The following RIMS2 variants were observed in gnomAD, a reference collection of about 807,000 sequenced individuals.
RIMS2 encodes regulating synaptic membrane exocytosis 2, also known as regulating synaptic membrane exocytosis protein 2.
In RIMS2, 59 loss-of-function variants were observed where a neutral mutation model predicts 174.4. That is an observed-to-expected ratio of 0.34 (90% CI 0.27 to 0.42). The LOEUF is 0.42. Ranked by LOEUF, RIMS2 falls within the 10% of genes least tolerant of loss-of-function variation. The probability of loss-of-function intolerance (pLI) is 1.00; values close to 1 mark genes in which losing one functional copy is unlikely to be tolerated. For missense variants in RIMS2, 1,620 were observed against 1,666.3 expected (o/e 0.97, Z 0.48); for synonymous variants, 606 against 572.5 (o/e 1.06, Z -0.84).
chr8:104,071,881 A>G (rs2154561715), intron 19 of RIMS2, among the ~76,000 whole-genome samples: 1 of 152,368 alleles, frequency 6.6e-6, no homozygotes. Flanking sequence ...ACTAGAAGCC[A>G]GAGGTGAATG....
At chr8:103,984,152 C>T (rs1001329842) in intron 16 of RIMS2, among the ~76,000 whole-genome samples, 32 of 150,590 alleles carry the variant, frequency 2.1e-4, no homozygotes, top group Admixed American at 1.3e-3. Context: ...CCAGCCTGGG[C>T]GACAGAGCGA....
In RIMS2 at chr8:103,622,907, T is replaced by A. The variant is rs561521577; in HGVS notation, c.177-74179T>A. Among the ~76,000 whole-genome samples the A allele has an allele frequency of 1.6e-4, 25 of 152,322 alleles. 2 individuals are homozygous for A. The South Asian group carries it at 5.0e-3, about 30-fold the overall frequency. On this transcript the variant is annotated intron_variant, in intron 1 of 23. Coordinates refer to ENST00000504942, the Ensembl canonical transcript of RIMS2. Reference sequence around the variant, plus strand: ...GTAGCAGCAATAAATCATGCTGGCATAGCACAGATTATTTATTCTGAACAG... The same window carrying A: ...GTAGCAGCAATAAATCATGCTGGCAAAGCACAGATTATTTATTCTGAACAG...
intron 1 of RIMS2, among the ~76,000 whole-genome samples, chr8:103,520,886 A>AT (rs1831333782): frequency 6.6e-6 from 1 of 152,090 alleles, no homozygotes; most frequent in Non-Finnish European, 1.5e-5. Context: ...AAGACTATTC[A>AT]TTTTTTATCT....
At chr8:103,730,763 G>T (rs1329567922) in intron 2 of RIMS2, among the ~76,000 whole-genome samples, 1 of 152,212 alleles carries the variant, frequency 6.6e-6, no homozygotes, top group Non-Finnish European at 1.5e-5. Flanking sequence ...CTGTAGGACA[G>T]ATCTGATGTT....
intron 3 of RIMS2, among the ~76,000 whole-genome samples, chr8:103,884,345 T>C (rs1345531826): frequency 2.0e-5 from 3 of 151,934 alleles, no homozygotes; most frequent in African/African-American, 7.2e-5. Flanking sequence ...CCATAATAGT[T>C]TTCTAAACCT....
At chr8:104,219,214 T>C (rs2099144499) in intron 19 of RIMS2, among the ~76,000 whole-genome samples, 1 of 152,232 alleles carries the variant, frequency 6.6e-6, no homozygotes, top group South Asian at 2.1e-4. Context: ...ATCACTATGG[T>C]TTTACAGATG....
chr8:103,744,438 A>ATTGTGC (rs2097788707), intron 2 of RIMS2, among the ~76,000 whole-genome samples: 1 of 152,184 alleles, frequency 6.6e-6, no homozygotes, highest in Non-Finnish European at 1.5e-5. Flanking sequence ...TCAAAATTAT[A>ATTGTGC]TTATTTTCAT....
intron 3 of RIMS2, among the ~76,000 whole-genome samples, chr8:103,774,485 AAGTG>A (rs1198349188): frequency 6.6e-6 from 1 of 152,242 alleles, no homozygotes; most frequent in Non-Finnish European, 1.5e-5. Context: ...ATATTCAAAT[AAGTG>A]TATTACTTAT....
At chr8:103,664,800 C>T (rs979137604) in intron 1 of RIMS2, among the ~76,000 whole-genome samples, 2 of 152,174 alleles carry the variant, frequency 1.3e-5, no homozygotes, top group African/African-American at 4.8e-5. Flanking sequence ...GATTATAAAT[C>T]ATGCTATTAT....
chr8:103,591,521 A>G (rs1312387750), intron 1 of RIMS2, among the ~76,000 whole-genome samples: 7 of 151,128 alleles, frequency 4.6e-5, no homozygotes, highest in Admixed American at 3.3e-4. Flanking sequence ...GTTTCCTTCT[A>G]AAATCTTTAT....
chr8:103,993,731 A>G (rs537979961), intron 17 of RIMS2, among the ~76,000 whole-genome samples: 1 of 152,272 alleles, frequency 6.6e-6, no homozygotes, highest in East Asian at 1.9e-4. Flanking sequence ...AGCATTAACA[A>G]TATTAAAGAC....
At chr8:103,942,729 AT>A in intron 13 of RIMS2, 43 bp from the exon 16 acceptor site, 1 of 1,353,228 alleles carries the variant, frequency 7.4e-7, no homozygotes, top group Non-Finnish European at 1.0e-6. Context: ...TAATTTCTTT[AT>A]TATTGGTATA....
chr8:104,026,923 G>C (rs2154555746), intron 19 of RIMS2, among the ~76,000 whole-genome samples: 1 of 152,178 alleles, frequency 6.6e-6, no homozygotes, highest in Non-Finnish European at 1.5e-5. Context: ...TGGATTTTAT[G>C]GTGGAATTGG....
rs149627923 is a variant in RIMS2, at chr8:103,807,767, T to C, written c.698+41230T>C. Reference sequence around the variant, plus strand: ...TGGAAAATTGATAGAATAGATCTTGTTTATATTATATTTTCCTTTCTTTTC... The same window carrying C: ...TGGAAAATTGATAGAATAGATCTTGCTTATATTATATTTTCCTTTCTTTTC... On this transcript the variant is annotated intron_variant, in intron 3 of 23. Coordinates refer to ENST00000504942, the Ensembl canonical transcript of RIMS2. 4.2e-3 allele frequency among the ~76,000 whole-genome samples: 644 copies of C among 152,166 alleles called. 4 individuals are homozygous for C. The highest frequency in any genetic ancestry group is 0.015 in the African/African-American group (614 of 41,540).
intron 1 of RIMS2, among the ~76,000 whole-genome samples, chr8:103,591,877 G>A (rs777882074): frequency 6.6e-6 from 1 of 150,892 alleles, no homozygotes; most frequent in Non-Finnish European, 1.5e-5. Context: ...TTAATATTCT[G>A]TGTTCTTTTG....
intron 1 of RIMS2, among the ~76,000 whole-genome samples, chr8:103,601,561 A>G (rs372806937): frequency 1.4e-3 from 211 of 152,092 alleles, no homozygotes; most frequent in African/African-American, 4.9e-3. Flanking sequence ...ATGCATATAT[A>G]TAGGTGAAGT....
intron 4 of RIMS2, among the ~76,000 whole-genome samples, chr8:103,904,023 C>T (rs1173567908): frequency 6.6e-6 from 1 of 152,008 alleles, no homozygotes; most frequent in Non-Finnish European, 1.5e-5. Context: ...ATATAACCAC[C>T]ACTTCTATAA....
intron 3 of RIMS2, among the ~76,000 whole-genome samples, chr8:103,808,750 C>T (rs1418293294): frequency 6.6e-6 from 1 of 152,132 alleles, no homozygotes. Context: ...GATTCGACTT[C>T]TACCTTTTAA....
At chr8:103,887,448 T>C (rs2099210513) in intron 4 of RIMS2, among the ~76,000 whole-genome samples, 2 of 151,744 alleles carry the variant, frequency 1.3e-5, no homozygotes, top group South Asian at 4.1e-4. Flanking sequence ...TTTTCATCTT[T>C]AAAAGCTCTT....
Sources: gnomAD v4.1 joint callset for allele counts (sites outside exome capture counted in the v4.1 genomes callset) on GRCh38, gnomAD v4.1.1 for gene constraint, MANE v1.5 for transcripts, NCBI Gene and HGNC (gene_info 2026-07-23, HGNC 2026-07-21) for gene names.